MBD1: variants seen among roughly 807,000 people sequenced by gnomAD.
MBD1 encodes the protein methyl-CpG-binding domain protein 1.
Under a neutral mutation model 82.6 loss-of-function variants are expected in MBD1, and 25 were observed. The observed-to-expected ratio is 0.30, with a 90% CI of 0.22 to 0.42. The LOEUF is 0.42. Ranked by LOEUF, MBD1 falls within the 10% of genes least tolerant of loss-of-function variation. The probability of loss-of-function intolerance (pLI) is 1.00; values close to 1 mark genes in which losing one functional copy is unlikely to be tolerated. For synonymous variants in MBD1, 301 were observed against 303.7 expected (o/e 0.99, Z 0.09); for missense variants, 627 against 819.6 (o/e 0.76, Z 2.87).
intron 16 of MBD1, chr18:50,270,441 A>G: frequency 2.3e-6 from 1 of 433,248 alleles, no homozygotes; most frequent in African/African-American, 2.0e-5. Context: ...GCAGGAATTC[A>G]GCCTCCTAGA....
Position 50,275,936 on chromosome 18 carries a change from A to G in MBD1, c.562T>C (p.Cys188Arg), listed in dbSNP as rs1273798331. The change falls in exon 7 of 17, where the codon TGT (cysteine) becomes CGT (arginine). Residue 188 changes from cysteine to arginine, a missense_variant. Transcript: ENST00000269468. The part of the protein sequence containing the change: ...ECAACQVTED[C>R]GACSTCLLQL... ...AGGAGGCAGGTGGAGCAGGCCCCAC[A>G]GTCTTCTGTTACCTGGCAGGCTGCA... 1 of 1,613,894 alleles carries G rather than the reference A, an allele frequency of 6.2e-7. No homozygotes were observed. Among genetic ancestry groups the G allele is most frequent in the Non-Finnish European group, 8.5e-7 (1 of 1,180,006 alleles).
chr18:50,273,034 T>C (rs2036272152), intron 13 of MBD1, 79 bp from the exon 14 acceptor site: 27 of 1,555,884 alleles, frequency 1.7e-5, no homozygotes, highest in Non-Finnish European at 2.2e-5. Flanking sequence ...AACCCCTCAC[T>C]GTGCTGACAA....
In MBD1 at chr18:50,272,643, A is replaced by T. The variant is rs190376003; in HGVS notation, c.1778+34T>A. The T allele has an allele frequency of 4.3e-6, 7 of 1,610,766 alleles. No individual in the cohort carries two copies. The African/African-American group carries it at 6.7e-5, about 16-fold the overall frequency. On this transcript the variant is annotated intron_variant, in intron 15 of 16. Transcript: ENST00000269468. Reference sequence around the variant, plus strand: ...CAGGGCCCACATCTGGCCAACACCCACTCCTTCCCCACCCCTCACTGTGTG... The same window carrying T: ...CAGGGCCCACATCTGGCCAACACCCTCTCCTTCCCCACCCCTCACTGTGTG...
rs2038043346 is a variant in MBD1 at position 50,276,646 on chromosome 18, T to G, written c.475+16A>C. On this transcript the variant is annotated intron_variant, in intron 5 of 16. Coordinates refer to ENST00000269468, the MANE Select transcript of MBD1 (RefSeq NM_015846.4). The stretch of plus-strand genomic sequence containing the variant: ...GCTCCTATCTCCCGATGCCCCATCC[T>G]CTGGAGGCCACTCACCTCGACAGTC... 6.2e-7 allele frequency: 1 copy of G among 1,613,970 alleles called. No homozygotes were observed. Among genetic ancestry groups the G allele is most frequent in the Non-Finnish European group, 8.5e-7 (1 of 1,179,904 alleles).
chr18:50,268,542 A>C (rs2034263484), downstream of MBD1, among the ~76,000 whole-genome samples: 1 of 152,226 alleles, frequency 6.6e-6, no homozygotes, highest in African/African-American at 2.4e-5. Context: ...GCCAGGGGTG[A>C]TGGGTGACGA....
downstream of MBD1, among the ~76,000 whole-genome samples, chr18:50,268,685 C>T (rs914700388): frequency 3.9e-5 from 6 of 152,208 alleles, no homozygotes; most frequent in Non-Finnish European, 7.3e-5. Flanking sequence ...CCTCAGCCTT[C>T]AGCCAACCCC....
intron 15 of MBD1, among the ~76,000 whole-genome samples, chr18:50,271,843 G>A (rs1475015876): frequency 6.6e-6 from 1 of 152,188 alleles, no homozygotes; most frequent in Non-Finnish European, 1.5e-5. Flanking sequence ...AAGTATAGAT[G>A]AAAGGGTTTC....
upstream of MBD1, chr18:50,281,608 A>C: frequency 2.2e-6 from 1 of 460,434 alleles, no homozygotes; most frequent in Middle Eastern, 5.5e-4. Context: ...GCGTGCCCTT[A>C]ATAGGGAGGC....
chr18:50,274,501 T>A, intron 10 of MBD1, 148 bp from the exon 11 acceptor site: 1 of 835,164 alleles, frequency 1.2e-6, no homozygotes, highest in Non-Finnish European at 1.9e-6. Flanking sequence ...TCCCCACTAG[T>A]CACTCCTCAG....
chr18:50,267,733 G>A, downstream of MBD1: 1 of 1,013,978 alleles, frequency 9.9e-7, no homozygotes, highest in South Asian at 1.4e-5. Flanking sequence ...GAACACTTGT[G>A]AGCACATGCA....
Position 50,279,258 on chromosome 18 carries a change from A to C in MBD1, c.110+625T>G, listed in dbSNP as rs1373112452. ...AACCCACCAATGTAGCTGCTTTCTC[A>C]TCTCTTACATAGCTTCAAGACTATA... On this transcript the variant is annotated intron_variant, in intron 2 of 16. Transcript: ENST00000269468. Among the ~76,000 whole-genome samples, 5 of 152,306 alleles carry C rather than the reference A, an allele frequency of 3.3e-5. No homozygotes were observed. The East Asian group carries it at 9.6e-4, about 29-fold the overall frequency.
Position 50,269,534 on chromosome 18 carries a change from T to C in MBD1, c.*317A>G, listed in dbSNP as rs1363446344. 5.6e-6 allele frequency: 4 copies of C among 717,730 alleles called. No individual in the cohort carries two copies. The highest frequency in any genetic ancestry group is 5.2e-5 in the African/African-American group (3 of 57,248). The allele number at this position is 717,730 out of a possible 1,614,324, so 44.5% of individuals were successfully genotyped here. On this transcript the variant is annotated 3_prime_UTR_variant, in exon 17 of 17. Transcript: ENST00000269468. ...TATCTGCTAGATCACCTCGTTGGTG[T>C]GGGCAGTAGTCAGGCCTGCAGCCAG... is the stretch of plus-strand genomic sequence containing the variant.
rs1003011230 is a variant in MBD1, at chr18:50,269,681, G to A, written c.*170C>T. ...TCTTCTGCAGGACACCCACATCATC[G>A]AAGCTGGAGGTGGTGAGAGACTGAC... On this transcript the variant is annotated 3_prime_UTR_variant, in exon 17 of 17. Transcript: ENST00000269468. The A allele has an allele frequency of 2.6e-6, 2 of 775,262 alleles. No individual in the cohort carries two copies. Among genetic ancestry groups the A allele is most frequent in the Non-Finnish European group, 4.8e-6 (2 of 415,062 alleles). The allele number at this position is 775,262 out of a possible 1,614,324, so 48.0% of individuals were successfully genotyped here.
At chr18:50,270,255 G>C (rs758555101) in intron 16 of MBD1, 1 of 1,181,422 alleles carries the variant, frequency 8.5e-7, no homozygotes, top group African/African-American at 1.5e-5. Flanking sequence ...GCTGGGACTA[G>C]GGTAAGGCAA....
chr18:50,280,534 T>C (rs1386200279), intron 1 of MBD1, among the ~76,000 whole-genome samples: 1 of 151,876 alleles, frequency 6.6e-6, no homozygotes, highest in Non-Finnish European at 1.5e-5. Flanking sequence ...TTTTAACCAC[T>C]CCATTCCTTC....
At position 50,269,399 on chromosome 18, in the gene MBD1, C is replaced by G. The variant is rs768022194; in HGVS notation, c.*452G>C. 1.9e-4 allele frequency: 214 copies of G among 1,139,496 alleles called. 1 individual carries two copies. The highest frequency in any genetic ancestry group is 1.7e-4 in the Non-Finnish European group (139 of 833,156). The allele number at this position is 1,139,496 out of a possible 1,614,324, so 70.6% of individuals were successfully genotyped here. A position where few individuals can be genotyped will look rare whatever the true frequency, so the allele number is the denominator to read the frequency against. Reference sequence around the variant, plus strand: ...TTCCAGTAAGATGGGCCACAAGAGACATTTTGCTTGATAACCGGAGGGCGG... The same window carrying G: ...TTCCAGTAAGATGGGCCACAAGAGAGATTTTGCTTGATAACCGGAGGGCGG... On this transcript the variant is annotated 3_prime_UTR_variant, in exon 17 of 17. Transcript: ENST00000269468.
In MBD1 at chr18:50,273,903, T is replaced by C. The variant is rs1270185845; in HGVS notation, c.1147-40A>G. On this transcript the variant is annotated intron_variant, in intron 11 of 16. Coordinates refer to ENST00000269468, the MANE Select transcript of MBD1 (RefSeq NM_015846.4). ...AGGGTGCTATGGCTACCTGGTGTCC[T>C]GACCAATCACATCCACCCTGCCCGG... The C allele has an allele frequency of 9.3e-6, 15 of 1,605,230 alleles. No individual in the cohort carries two copies. In the Middle Eastern group the frequency reaches 4.9e-4, roughly 53 times the overall value.
At chr18:50,269,942 T>C in intron 16 of MBD1, 124 bp from the exon 17 acceptor site, 2 of 1,406,320 alleles carry the variant, frequency 1.4e-6, no homozygotes, top group Non-Finnish European at 2.0e-6. Context: ...ACATAATCTT[T>C]ATCTTAGTGG....
chr18:50,278,243 ATTGT>A (rs1240274162), intron 2 of MBD1, among the ~76,000 whole-genome samples: 1 of 152,196 alleles, frequency 6.6e-6, no homozygotes, highest in Non-Finnish European at 1.5e-5. Flanking sequence ...AAACTAATGA[ATTGT>A]TTATTTCTAA....
Sources: allele counts gnomAD v4.1 joint callset (sites outside exome capture counted in the v4.1 genomes callset), GRCh38; gene constraint gnomAD v4.1.1; transcripts MANE v1.5; gene names NCBI Gene and HGNC (gene_info 2026-07-23, HGNC 2026-07-21).